ALK: variants seen among roughly 807,000 people sequenced by gnomAD.
ALK encodes ALK tyrosine kinase receptor.
ALK carries 74 observed loss-of-function variants against 163.1 expected under a neutral mutation model. The observed-to-expected ratio is 0.45, with a 90% CI of 0.38 to 0.55. The LOEUF (loss-of-function observed/expected upper bound fraction) is 0.55. ALK is among the 20% of genes least tolerant of loss of function. The probability of loss-of-function intolerance (pLI) is 0.00; values close to 1 mark genes in which losing one functional copy is unlikely to be tolerated. For missense variants in ALK, 2,063 were observed against 2,105.3 expected, an observed-to-expected ratio of 0.98 and a Z score of 0.39; for synonymous variants, 960 against 843.2, an observed-to-expected ratio of 1.14 and a Z score of -2.40.
chr2:29,858,705 TGCACTCCAGCC>T (rs1666207637), intron 1 of ALK, among the ~76,000 whole-genome samples: 2 of 151,746 alleles, frequency 1.3e-5, no homozygotes, highest in South Asian at 4.2e-4. Flanking sequence ...ATTGCCTCAC[TGCACTCCAGCC>T]TGGGCGACAG....
intron 1 of ALK, among the ~76,000 whole-genome samples, chr2:29,857,968 T>C (rs1203510099): frequency 6.6e-6 from 1 of 152,210 alleles, no homozygotes; most frequent in Non-Finnish European, 1.5e-5. Flanking sequence ...TTTAGTGCAA[T>C]AGCATAACCA....
intron 4 of ALK, among the ~76,000 whole-genome samples, chr2:29,516,952 AT>A (rs1672684344): frequency 6.6e-6 from 1 of 152,232 alleles, no homozygotes; most frequent in South Asian, 2.1e-4. Context: ...AGATATCCTT[AT>A]CATCATCTAC....
intron 3 of ALK, among the ~76,000 whole-genome samples, chr2:29,645,699 C>A (rs897384161): frequency 2.0e-5 from 3 of 152,060 alleles, no homozygotes; most frequent in Non-Finnish European, 4.4e-5. Context: ...TTGTTCCATC[C>A]AGTGGTCAAC....
At chr2:29,291,506 A>G (rs1666022005) in intron 9 of ALK, among the ~76,000 whole-genome samples, 1 of 152,108 alleles carries the variant, frequency 6.6e-6, no homozygotes, top group Non-Finnish European at 1.5e-5. Flanking sequence ...AAATTATTTA[A>G]CCTCCATAGC....
At chr2:29,827,026 C>T (rs903105088) in intron 1 of ALK, among the ~76,000 whole-genome samples, 1 of 152,180 alleles carries the variant, frequency 6.6e-6, no homozygotes, top group East Asian at 1.9e-4. Flanking sequence ...GAACCCAAAT[C>T]CAAGTGTCAG....
rs375940072 is a variant in ALK at position 29,861,719 on chromosome 2, C to G, written c.667+58274G>C. On this transcript the variant is annotated intron_variant, in intron 1 of 28. Coordinates refer to ENST00000389048, the MANE Select transcript of ALK (RefSeq NM_004304.5). Reference sequence around the variant, plus strand: ...CCAAGCATTTAAAGAAGAGCTTATACTAATCCTTTTCAAACTCTTCCAAAT... The same window carrying G: ...CCAAGCATTTAAAGAAGAGCTTATAGTAATCCTTTTCAAACTCTTCCAAAT... 4.5e-4 allele frequency among the ~76,000 whole-genome samples: 68 copies of G among 152,288 alleles called. 1 individual carries two copies. Among genetic ancestry groups the G allele is most frequent in the African/African-American group, 1.6e-3 (67 of 41,574 alleles).
chr2:29,919,834 T>C (rs1230680942), intron 1 of ALK, among the ~76,000 whole-genome samples, 159 bp downstream of exon 1: 3 of 152,056 alleles, frequency 2.0e-5, no homozygotes, highest in African/African-American at 7.2e-5. Flanking sequence ...AACAAGAAAC[T>C]ACGGTCTGAT....
intron 1 of ALK, among the ~76,000 whole-genome samples, chr2:29,718,222 C>T (rs188250825): frequency 2.0e-5 from 3 of 152,138 alleles, no homozygotes; most frequent in Admixed American, 1.3e-4. Context: ...GCTAGGTGAC[C>T]GGAGTTTTCC....
At chr2:29,390,798 T>C (rs1669149659) in intron 4 of ALK, among the ~76,000 whole-genome samples, 1 of 152,228 alleles carries the variant, frequency 6.6e-6, no homozygotes, top group Non-Finnish European at 1.5e-5. Flanking sequence ...TAAATTTTAG[T>C]GTGAGGTCCT....
chr2:29,875,295 A>G (rs1047997637), intron 1 of ALK, among the ~76,000 whole-genome samples: 1 of 152,230 alleles, frequency 6.6e-6, no homozygotes, highest in Admixed American at 6.5e-5. Flanking sequence ...CAGAGTTTCT[A>G]TTAAAGATGA....
At chr2:29,905,239 A>G (rs145533071) in intron 1 of ALK, among the ~76,000 whole-genome samples, 1 of 152,316 alleles carries the variant, frequency 6.6e-6, no homozygotes, top group East Asian at 1.9e-4. Flanking sequence ...TGAAATGCAA[A>G]CACCACTGCT....
At chr2:29,662,291 A>T (rs1160039058) in intron 3 of ALK, among the ~76,000 whole-genome samples, 10 of 152,158 alleles carry the variant, frequency 6.6e-5, no homozygotes, top group Non-Finnish European at 2.9e-5. Flanking sequence ...AAGGAAGATG[A>T]GTTTGAACCT....
At chr2:29,548,009 T>A (rs1008170007) in intron 3 of ALK, among the ~76,000 whole-genome samples, 5 of 152,192 alleles carry the variant, frequency 3.3e-5, no homozygotes, top group Admixed American at 6.5e-5. Context: ...TAACTGGACA[T>A]CCTGTGTTTT....
intron 2 of ALK, among the ~76,000 whole-genome samples, chr2:29,713,413 C>T (rs958722162): frequency 1.3e-5 from 2 of 152,112 alleles, no homozygotes; most frequent in African/African-American, 4.8e-5. Context: ...ACAAGACTAC[C>T]TACAGTGCCA....
intron 4 of ALK, among the ~76,000 whole-genome samples, chr2:29,450,685 G>A (rs957800385): frequency 6.6e-6 from 1 of 152,166 alleles, no homozygotes; most frequent in African/African-American, 2.4e-5. Flanking sequence ...CTGATTCATG[G>A]AGGTGAGAGA....
chr2:29,798,114 C>T (rs1381077469), intron 1 of ALK, among the ~76,000 whole-genome samples: 1 of 152,206 alleles, frequency 6.6e-6, no homozygotes, highest in Non-Finnish European at 1.5e-5. Context: ...ATTCCTCACA[C>T]CTGCCAGTGT....
At chr2:29,752,742 T>A (rs1292710358) in intron 1 of ALK, among the ~76,000 whole-genome samples, 1 of 152,126 alleles carries the variant, frequency 6.6e-6, no homozygotes, top group Non-Finnish European at 1.5e-5. Flanking sequence ...TGCTCTCACA[T>A]CCTGTACTGA....
At chr2:29,536,553 A>G (rs1673261283) in intron 3 of ALK, among the ~76,000 whole-genome samples, 1 of 152,166 alleles carries the variant, frequency 6.6e-6, no homozygotes, top group Non-Finnish European at 1.5e-5. Flanking sequence ...ATTCCTTTAC[A>G]GTGACACAAG....
At chr2:29,752,648 G>A (rs1476671812) in intron 1 of ALK, among the ~76,000 whole-genome samples, 7 of 152,048 alleles carry the variant, frequency 4.6e-5, no homozygotes, top group Non-Finnish European at 1.0e-4. Flanking sequence ...GCGCCCGGCC[G>A]ACTTCTGCTA....
Sources: gnomAD v4.1 joint callset for allele counts (sites outside exome capture counted in the v4.1 genomes callset) on GRCh38, gnomAD v4.1.1 for gene constraint, MANE v1.5 for transcripts, NCBI Gene and HGNC (gene_info 2026-07-23, HGNC 2026-07-21) for gene names.